Variants in AGPS observed in about 807,000 individuals in gnomAD.
The protein encoded by AGPS is alkylglycerone phosphate synthase.
In AGPS, 26 loss-of-function variants were observed where a neutral mutation model predicts 90.7. The observed-to-expected ratio is 0.29, with a 90% CI of 0.21 to 0.40. The LOEUF (loss-of-function observed/expected upper bound fraction) is 0.40. Ranked by LOEUF, AGPS falls within the 10% of genes least tolerant of loss-of-function variation. AGPS has a pLI of 1.00. For missense variants in AGPS, 540 were observed against 816.1 expected (o/e 0.66, Z 4.12); for synonymous variants, 294 against 285.3 (o/e 1.03, Z -0.31).
rs536406455 is a variant in AGPS, at chr2:177,434,385, G to A, written c.409G>A (p.Gly137Arg). ...TFKEWIQNTL[G>R]VNVEHKTTSK... Reference sequence around the variant, plus strand: ...TAAAGAATGGATCCAAAATACCCTTGGAGTAAATGTGGAGCATAAAACTAC... The same window carrying A: ...TAAAGAATGGATCCAAAATACCCTTAGAGTAAATGTGGAGCATAAAACTAC... Residue 137 changes from glycine to arginine, a missense_variant, in exon 3 of 20, where the codon GGA becomes AGA. Gly to Arg is a moderately radical substitution (Grantham distance 125). This residue lies in a region of AGPS where 405 missense variants were observed against 692.1 expected (regional missense o/e 0.59). Transcript: ENST00000264167. 2 of 1,612,662 alleles carry A rather than the reference G, an allele frequency of 1.2e-6. No homozygotes were observed. The highest frequency in any genetic ancestry group is 1.1e-5 in the South Asian group (1 of 90,972).
chr2:177,472,936 A>G (rs1245078326), intron 10 of AGPS, among the ~76,000 whole-genome samples: 1 of 152,188 alleles, frequency 6.6e-6, no homozygotes, highest in Non-Finnish European at 1.5e-5. Flanking sequence ...AGCCAGGGCT[A>G]TGGACTACCA....
chr2:177,417,924 A>G (rs1007552449), intron 1 of AGPS, among the ~76,000 whole-genome samples: 4 of 152,156 alleles, frequency 2.6e-5, no homozygotes, highest in African/African-American at 9.7e-5. Context: ...AAAAGTTTAA[A>G]ACTAGAAGCC....
At chr2:177,457,142 A>G (rs1051704911) in intron 8 of AGPS, among the ~76,000 whole-genome samples, 2 of 152,252 alleles carry the variant, frequency 1.3e-5, no homozygotes, top group Admixed American at 6.5e-5. Context: ...CTTTGAAACC[A>G]GTGAGAACGA....
At chr2:177,442,857 T>C (rs1574371150) in intron 7 of AGPS, among the ~76,000 whole-genome samples, 1 of 149,822 alleles carries the variant, frequency 6.7e-6, no homozygotes, top group Non-Finnish European at 1.5e-5. Flanking sequence ...AAGAATCTAA[T>C]ATCCATTTTG....
At chr2:177,524,098 A>G (rs2079058470) in intron 19 of AGPS, among the ~76,000 whole-genome samples, 1 of 152,172 alleles carries the variant, frequency 6.6e-6, no homozygotes, top group Non-Finnish European at 1.5e-5. Context: ...GTACTTGACC[A>G]TTACAGCAAA....
chr2:177,484,025 TA>T (rs1237167699), intron 11 of AGPS, among the ~76,000 whole-genome samples: 10 of 134,184 alleles, frequency 7.5e-5, no homozygotes, highest in Non-Finnish European at 1.5e-4. Flanking sequence ...TTTTTTTTTT[TA>T]AATGACCAGA....
chr2:177,419,128 A>T (rs754191457), intron 1 of AGPS, among the ~76,000 whole-genome samples: 1 of 151,898 alleles, frequency 6.6e-6, no homozygotes, highest in Non-Finnish European at 1.5e-5. Flanking sequence ...ATAATTAATT[A>T]CCTGTATCTG....
chr2:177,513,144 G>A (rs1433353513), intron 16 of AGPS, among the ~76,000 whole-genome samples: 2 of 151,966 alleles, frequency 1.3e-5, no homozygotes, highest in Non-Finnish European at 2.9e-5. Context: ...ACCCAGGCTG[G>A]AGTGCAGTGG....
At chr2:177,526,383 C>A (rs1574033913) in intron 19 of AGPS, among the ~76,000 whole-genome samples, 1 of 152,084 alleles carries the variant, frequency 6.6e-6, no homozygotes, top group East Asian at 1.9e-4. Flanking sequence ...GCATGCGCCA[C>A]AATTCATGGC....
At chr2:177,402,178 A>G (rs1292632605) in intron 1 of AGPS, among the ~76,000 whole-genome samples, 1 of 152,234 alleles carries the variant, frequency 6.6e-6, no homozygotes, top group African/African-American at 2.4e-5. Context: ...TCAAATTTTA[A>G]GAAGGATGTC....
chr2:177,456,215 T>C (rs1270672951), intron 8 of AGPS, among the ~76,000 whole-genome samples: 7 of 152,192 alleles, frequency 4.6e-5, no homozygotes, highest in Admixed American at 4.6e-4. Flanking sequence ...ATTTGATTAA[T>C]TGTATGAGTA....
rs962971444 is a variant in AGPS, at chr2:177,495,238, T to C, written c.1285+2039T>C. On this transcript the variant is annotated intron_variant, in intron 12 of 19. Coordinates refer to ENST00000264167, the MANE Select transcript of AGPS (RefSeq NM_003659.4). ...TTATCACGTAATAGGCATTTATATG[T>C]TGATTCAATTAATCATCAAATTGGC... Among the ~76,000 whole-genome samples, 60 of 152,324 alleles carry C rather than the reference T, an allele frequency of 3.9e-4. 1 individual carries two copies. The highest frequency in any genetic ancestry group is 7.4e-5 in the Non-Finnish European group (5 of 68,024).
rs1559089849 is a variant in AGPS at position 177,539,223 on chromosome 2, A to C, written c.*1028A>C. On this transcript the variant is annotated 3_prime_UTR_variant, in exon 20 of 20. Transcript: ENST00000264167. Reference sequence around the variant, plus strand: ...CCAATGGCATGATAAATTTTCATATAAAAAGTAAAGTTTCAATTTAGTTTT... The same window carrying C: ...CCAATGGCATGATAAATTTTCATATCAAAAGTAAAGTTTCAATTTAGTTTT... 2 of 152,106 alleles carry C rather than the reference A, an allele frequency of 1.3e-5. No homozygotes were observed. Among genetic ancestry groups the C allele is most frequent in the Non-Finnish European group, 2.9e-5 (2 of 67,948 alleles). The allele number at this position is 152,106 out of a possible 1,614,324, so 9.4% of individuals were successfully genotyped here. A position where few individuals can be genotyped will look rare whatever the true frequency, so the allele number is the denominator to read the frequency against.
intron 3 of AGPS, among the ~76,000 whole-genome samples, chr2:177,436,004 T>C (rs1686397662): frequency 6.6e-6 from 1 of 152,128 alleles, no homozygotes. Flanking sequence ...AAGTTACCTG[T>C]TAGGTGAAAT....
chr2:177,465,984 TG>T (rs1687434569), intron 9 of AGPS, among the ~76,000 whole-genome samples: 1 of 152,116 alleles, frequency 6.6e-6, no homozygotes, highest in Non-Finnish European at 1.5e-5. Context: ...AAGTGGAGGG[TG>T]AGCAAGGTGA....
At chr2:177,419,062 C>T (rs915079868) in intron 1 of AGPS, among the ~76,000 whole-genome samples, 1 of 151,894 alleles carries the variant, frequency 6.6e-6, no homozygotes, top group African/African-American at 2.4e-5. Flanking sequence ...TAGTTGTAAA[C>T]AGAGCATTCC....
chr2:177,465,804 A>T (rs1013327831), intron 9 of AGPS, among the ~76,000 whole-genome samples: 7 of 152,214 alleles, frequency 4.6e-5, no homozygotes, highest in Admixed American at 4.6e-4. Context: ...GGCTCCTTGA[A>T]GGGCCACAGC....
At chr2:177,533,188 G>A (rs185392271) in intron 19 of AGPS, among the ~76,000 whole-genome samples, 27 of 152,188 alleles carry the variant, frequency 1.8e-4, no homozygotes, top group Non-Finnish European at 2.9e-5. Context: ...CTAACAAAAC[G>A]TATATGTTGA....
Position 177,508,041 on chromosome 2 carries a change from A to G in AGPS, c.1607+10A>G. 1 of 1,594,940 alleles carries G rather than the reference A, an allele frequency of 6.3e-7. No individual in the cohort carries two copies. Among genetic ancestry groups the G allele is most frequent in the Non-Finnish European group, 8.6e-7 (1 of 1,162,754 alleles). ...CTGCTCCTTGGGACAGGTAAAATAT[A>G]CTAAAGTGCCTGATATTATTCAAAT... On this transcript the variant is annotated intron_variant, in intron 16 of 19. Transcript: ENST00000264167.
Sources: allele counts gnomAD v4.1 joint callset (sites outside exome capture counted in the v4.1 genomes callset), GRCh38; gene constraint gnomAD v4.1.1; regional missense constraint gnomAD v4.1.1; transcripts MANE v1.5; gene names NCBI Gene and HGNC (gene_info 2026-07-23, HGNC 2026-07-21).